IPPK: variants seen among roughly 807,000 people sequenced by gnomAD.
The protein encoded by IPPK is inositol-pentakisphosphate 2-kinase.
Under a neutral mutation model 64.6 loss-of-function variants are expected in IPPK, and 22 were observed. That is an observed-to-expected ratio of 0.34 (90% CI 0.24 to 0.49). The LOEUF (loss-of-function observed/expected upper bound fraction) is 0.49. IPPK is among the 20% of genes least tolerant of loss of function. IPPK has a pLI of 0.99. For missense variants in IPPK, 532 were observed against 630.7 expected, an observed-to-expected ratio of 0.84 and a Z score of 1.68; for synonymous variants, 262 against 247.2, an observed-to-expected ratio of 1.06 and a Z score of -0.56.
At position 92,635,227 on chromosome 9, in the gene IPPK, A is replaced by G; in HGVS notation, c.998T>C (p.Leu333Pro). The change falls in exon 10 of 13, where the codon CTG becomes CCG. Residue 333 changes from leucine (L) to proline (P), a missense_variant. Coordinates refer to ENST00000287996, the MANE Select transcript of IPPK (RefSeq NM_022755.6). The surrounding 1 kb of genome is among the most constrained non-coding windows in gnomAD (Gnocchi z 4.4). ...KTLQVQMLDL[L>P]DIEGLYPLYN... ...CAGAGGGTAGAGGCCTTCGATGTCC[A>G]GCAGGTCCAACATCTGCACCTGGAG... 2 of 1,614,182 alleles carry G rather than the reference A, an allele frequency of 1.2e-6. No homozygotes were observed. The highest frequency in any genetic ancestry group is 1.7e-6 in the Non-Finnish European group (2 of 1,179,998).
chr9:92,635,294 C>G lies in IPPK; in HGVS notation c.931G>C (p.Glu311Gln), dbSNP rs759678374. The G allele has an allele frequency of 4.3e-6, 7 of 1,610,226 alleles. No homozygotes were observed. Among genetic ancestry groups the G allele is most frequent in the Non-Finnish European group, 5.9e-6 (7 of 1,178,864 alleles). The change falls in exon 10 of 13, where the codon GAG becomes CAG. Residue 311 changes from glutamate to glutamine, a missense_variant. Physicochemically the swap from Glu to Gln is conservative, Grantham distance 29. Transcript: ENST00000287996. This position sits in a 1 kb window ranked among gnomAD's most constrained non-coding sequence, Gnocchi z 4.4. ...CAGCCCTTCGGTAACCCCGAGCGCT[C>G]TGGGGTGTTTTTTCCTACCGAGAAC... is the stretch of plus-strand genomic sequence containing the variant. Reference protein sequence around the residue: ...SLRCQGKNTPERSGLPKGCLL... With the variant: ...SLRCQGKNTPQRSGLPKGCLL...
chr9:92,618,235 T>C, intron 12 of IPPK: 1 of 456,698 alleles, frequency 2.2e-6, no homozygotes, highest in South Asian at 1.5e-5. Context: ...TTGTGCAGGA[T>C]GGTTCCAGTG....
At chr9:92,659,401 T>C (rs992510963) in intron 1 of IPPK, among the ~76,000 whole-genome samples, 7 of 152,260 alleles carry the variant, frequency 4.6e-5, no homozygotes, top group African/African-American at 1.7e-4. Context: ...TAAGTATTGA[T>C]GTGTCTACAT....
chr9:92,649,234 A>C (rs1852208140), intron 5 of IPPK, among the ~76,000 whole-genome samples: 1 of 152,146 alleles, frequency 6.6e-6, no homozygotes, highest in Non-Finnish European at 1.5e-5. Context: ...ATCATGAGCT[A>C]CCAGGAATGA....
rs544790323 is a variant in IPPK, at chr9:92,631,411, G to A, written c.1170+2975C>T. Among the ~76,000 whole-genome samples the A allele has an allele frequency of 5.3e-5, 8 of 152,224 alleles. No individual in the cohort carries two copies. In the South Asian group the frequency reaches 6.2e-4, roughly 12 times the overall value. On this transcript the variant is annotated intron_variant, in intron 11 of 12. Transcript: ENST00000287996. Reference sequence around the variant, plus strand: ...GAGTTTTGCCATGTTGGCCAGGCTGGTCTCAACTGATCCACCTGCCTCAGC... The same window carrying A: ...GAGTTTTGCCATGTTGGCCAGGCTGATCTCAACTGATCCACCTGCCTCAGC...
chr9:92,618,218 G>C (rs1236950268), intron 12 of IPPK: 1 of 456,672 alleles, frequency 2.2e-6, no homozygotes. Flanking sequence ...GGCCTGGCTA[G>C]AGTGCTTTGT....
intron 8 of IPPK, among the ~76,000 whole-genome samples, chr9:92,640,062 C>A (rs1852016238): frequency 6.6e-6 from 1 of 152,232 alleles, no homozygotes; most frequent in Admixed American, 6.5e-5. Flanking sequence ...TCTGAAGTAT[C>A]CACCTGCGAT....
Position 92,635,231 on chromosome 9 carries a change from G to C in IPPK, c.994C>G (p.Leu332Val). 3.7e-6 allele frequency: 6 copies of C among 1,614,196 alleles called. No homozygotes were observed. The highest frequency in any genetic ancestry group is 5.1e-6 in the Non-Finnish European group (6 of 1,180,014). The change falls in exon 10 of 13, where the codon CTG becomes GTG. Residue 332 changes from leucine (L) to valine (V), a missense_variant. Leu to Val is a conservative substitution (Grantham distance 32). Transcript: ENST00000287996. This position sits in a 1 kb window ranked among gnomAD's most constrained non-coding sequence, Gnocchi z 4.4. Reference sequence around the variant, plus strand: ...GGGTAGAGGCCTTCGATGTCCAGCAGGTCCAACATCTGCACCTGGAGGGTT... The same window carrying C: ...GGGTAGAGGCCTTCGATGTCCAGCACGTCCAACATCTGCACCTGGAGGGTT... ...YKTLQVQMLD[L>V]LDIEGLYPLY...
At chr9:92,646,113 G>C (rs1852145692) in intron 6 of IPPK, among the ~76,000 whole-genome samples, 1 of 152,104 alleles carries the variant, frequency 6.6e-6, no homozygotes, top group Non-Finnish European at 1.5e-5. Flanking sequence ...GTTGGGGGAG[G>C]GAGCAAAGCT....
rs1851393047 is a variant in IPPK, at chr9:92,615,140, T to C, written c.*692A>G. 6.6e-6 allele frequency: 1 copy of C among 152,100 alleles called. No homozygotes were observed. Among genetic ancestry groups the C allele is most frequent in the African/African-American group, 2.4e-5 (1 of 41,376 alleles). The allele number at this position is 152,100 out of a possible 1,614,324, so 9.4% of individuals were successfully genotyped here. On this transcript the variant is annotated 3_prime_UTR_variant, in exon 13 of 13. Coordinates refer to ENST00000287996, the MANE Select transcript of IPPK (RefSeq NM_022755.6). ...GCTCATCTCCCCCTCATGTGAAAGA[T>C]TAAATTGTAAAGCAAAAAAAAAAAG...
At position 92,619,485 on chromosome 9, in the gene IPPK, C is replaced by A. The variant is rs1184701972; in HGVS notation, c.1250+1G>T. On this transcript the variant is annotated splice_donor_variant, in intron 12 of 12. Coordinates refer to ENST00000287996, the MANE Select transcript of IPPK (RefSeq NM_022755.6). LOFTEE classifies it high-confidence loss of function. The stretch of plus-strand genomic sequence containing the variant: ...TGCATGCCTTGCAGTGGGGGCCTCA[C>A]CTGGCATCCTGCAGACAGGGAGACA... 6.3e-7 allele frequency: 1 copy of A among 1,584,482 alleles called. No homozygotes were observed. The highest frequency in any genetic ancestry group is 1.8e-5 in the Admixed American group (1 of 54,718).
At chr9:92,640,680 A>C in intron 8 of IPPK, 30 bp downstream of exon 8, 3 of 1,518,702 alleles carry the variant, frequency 2.0e-6, no homozygotes, top group Non-Finnish European at 2.7e-6. Context: ...CCCCACCCTG[A>C]AACCACCATA....
At chr9:92,633,706 A>G (rs1447463347) in intron 11 of IPPK, among the ~76,000 whole-genome samples, 1 of 152,208 alleles carries the variant, frequency 6.6e-6, no homozygotes, top group African/African-American at 2.4e-5. Context: ...TGAATAAACC[A>G]CATCTCAAAG....
Position 92,642,695 on chromosome 9 carries a change from C to T in IPPK, c.563+57G>A. ...ACCCCCCACCAGGCACTGGCCCCCG[C>T]CCTACCCATCTCCAGGGAACCTGAC... On this transcript the variant is annotated intron_variant, in intron 7 of 12. Coordinates refer to ENST00000287996, the MANE Select transcript of IPPK (RefSeq NM_022755.6). 3 of 1,507,408 alleles carry T rather than the reference C, an allele frequency of 2.0e-6. No homozygotes were observed. The Admixed American group carries it at 5.0e-5, about 25-fold the overall frequency. 93.4% of individuals were successfully genotyped at this position (1,507,408 alleles called of 1,614,324 possible).
intron 8 of IPPK, among the ~76,000 whole-genome samples, chr9:92,639,010 A>G (rs1246806559): frequency 6.6e-6 from 1 of 152,200 alleles, no homozygotes; most frequent in African/African-American, 2.4e-5. Context: ...ACCCCAGGAG[A>G]GTAGCAACTC....
rs551243283 is a variant in IPPK at position 92,665,541 on chromosome 9, T to C, written c.81+4367A>G. On this transcript the variant is annotated intron_variant, in intron 1 of 12. Coordinates refer to ENST00000287996, the MANE Select transcript of IPPK (RefSeq NM_022755.6). ...CTTTTTAAAAATTAATCTTTTTTCCTGAGTATCATACATATCCATTGTAGG... is the reference window on the plus strand; with the variant it reads ...CTTTTTAAAAATTAATCTTTTTTCCCGAGTATCATACATATCCATTGTAGG... 7.9e-5 allele frequency among the ~76,000 whole-genome samples: 5 copies of C among 63,532 alleles called. No individual in the cohort carries two copies. The South Asian group carries it at 1.4e-3, about 18-fold the overall frequency. The allele number at this position is 63,532 out of a possible 152,430, so 41.7% of individuals were successfully genotyped here. A position where few individuals can be genotyped will look rare whatever the true frequency, so the allele number is the denominator to read the frequency against.
At chr9:92,669,653 G>C (rs1852683210) in intron 1 of IPPK, among the ~76,000 whole-genome samples, 1 of 152,062 alleles carries the variant, frequency 6.6e-6, no homozygotes, top group South Asian at 2.1e-4. Context: ...ATACTGAGGG[G>C]ACGACAGACC....
intron 11 of IPPK, among the ~76,000 whole-genome samples, chr9:92,628,104 T>G (rs1851767618): frequency 6.6e-6 from 1 of 152,178 alleles, no homozygotes; most frequent in Non-Finnish European, 1.5e-5. Context: ...ACAACAGCAT[T>G]AAAAAGAAAA....
At chr9:92,638,890 C>T (rs553900592) in intron 8 of IPPK, among the ~76,000 whole-genome samples, 1 of 152,348 alleles carries the variant, frequency 6.6e-6, no homozygotes, top group South Asian at 2.1e-4. Flanking sequence ...TAGATTCACA[C>T]ATTCCCAGGG....
Sources: allele counts gnomAD v4.1 joint callset (sites outside exome capture counted in the v4.1 genomes callset), GRCh38; gene constraint gnomAD v4.1.1; non-coding constraint Gnocchi (gnomAD v3.1); transcripts MANE v1.5; gene names NCBI Gene and HGNC (gene_info 2026-07-23, HGNC 2026-07-21).